Variants in FER1L6 observed in about 807,000 individuals in gnomAD.
FER1L6 encodes fer-1-like protein 6.
A neutral mutation model predicts 219.2 loss-of-function variants in FER1L6; 177 were observed. That is an observed-to-expected ratio of 0.81 (90% CI 0.71 to 0.91). FER1L6 has a LOEUF of 0.91. Among genes scored for constraint, FER1L6 ranks in the 40% least tolerant of loss-of-function variants. The probability of loss-of-function intolerance (pLI) is 0.00; values close to 1 mark genes in which losing one functional copy is unlikely to be tolerated. For missense variants in FER1L6, 2,153 were observed against 2,259.9 expected, an observed-to-expected ratio of 0.95 and a Z score of 0.96; for synonymous variants, 768 against 824.3, an observed-to-expected ratio of 0.93 and a Z score of 1.17.
In FER1L6 at chr8:124,048,870, C is replaced by T. The variant is rs1408311751; in HGVS notation, c.2725-737C>T. 2.0e-5 allele frequency among the ~76,000 whole-genome samples: 3 copies of T among 152,214 alleles called. No homozygotes were observed. In the South Asian group the frequency reaches 6.2e-4, roughly 32 times the overall value. On this transcript the variant is annotated intron_variant, in intron 21 of 40. Transcript: ENST00000522917. ...GCTCGTGCTCCCAACCACAGTGATGCCCTGCCCTGCAGATCCTTTGGAATG... is the reference window on the plus strand; with the variant it reads ...GCTCGTGCTCCCAACCACAGTGATGTCCTGCCCTGCAGATCCTTTGGAATG...
chr8:124,102,791 G>A (rs74665800), intron 38 of FER1L6, among the ~76,000 whole-genome samples: 3,700 of 152,312 alleles, frequency 0.024, 54 homozygotes, highest in Non-Finnish European at 0.04. Flanking sequence ...GGTTGTCAGT[G>A]CTAAAGCAGG....
intron 25 of FER1L6, 61 bp from the exon 26 acceptor site, chr8:124,064,286 C>T: frequency 1.5e-6 from 2 of 1,295,880 alleles, no homozygotes; most frequent in Non-Finnish European, 2.2e-6. Context: ...AGTATTAGGT[C>T]CCTGAAACGA....
chr8:124,118,137 A>ACAGTGCGT (rs1823324393), intron 39 of FER1L6, among the ~76,000 whole-genome samples: 2 of 152,174 alleles, frequency 1.3e-5, no homozygotes, highest in African/African-American at 4.8e-5. Context: ...TGGCATACAA[A>ACAGTGCGT]GGATCCCCAA....
At chr8:123,912,930 C>T (rs914234216) in intron 1 of FER1L6, among the ~76,000 whole-genome samples, 10 of 152,154 alleles carry the variant, frequency 6.6e-5, no homozygotes, top group Non-Finnish European at 1.5e-4. Flanking sequence ...TGAGCGATCT[C>T]GGAAGAGAAG....
At chr8:124,058,492 AAGCTTAATCTTGCTGGT>A (rs1231733339) in intron 22 of FER1L6, among the ~76,000 whole-genome samples, 2 of 152,210 alleles carry the variant, frequency 1.3e-5, no homozygotes, top group African/African-American at 4.8e-5. Flanking sequence ...TCACAGGAAA[AAGCTTAATCTTGCTGGT>A]AGCAAAGTCA....
In FER1L6 at chr8:124,091,546, C is replaced by A; in HGVS notation, c.4515C>A (p.Val1505=). 6.2e-7 allele frequency: 1 copy of A among 1,614,086 alleles called. No homozygotes were observed. The highest frequency in any genetic ancestry group is 8.5e-7 in the Non-Finnish European group (1 of 1,179,942). ...HPGKIQIGNQ[V]FSGKTIFTEE... ...GGAAAATACAGATAGGAAACCAAGT[C>A]TTTTCTGGAAAAACTATCTTCACTG... Residue 1505 remains valine, a synonymous_variant, in exon 34 of 41, where the codon GTC becomes GTA. Coordinates refer to ENST00000522917, the MANE Select transcript of FER1L6 (RefSeq NM_001039112.2).
chr8:123,889,502 G>C lies in FER1L6; in HGVS notation c.-8+37317G>C, dbSNP rs376752410. On this transcript the variant is annotated intron_variant, in intron 1 of 40. Transcript: ENST00000522917. ...TAAAATGCTAACATCTGATAGTTCAGGATTTTTTGCTTCCTAGGGTTTCAC... is the reference window on the plus strand; with the variant it reads ...TAAAATGCTAACATCTGATAGTTCACGATTTTTTGCTTCCTAGGGTTTCAC... 6.6e-5 allele frequency among the ~76,000 whole-genome samples: 10 copies of C among 152,152 alleles called. No individual in the cohort carries two copies. The East Asian group carries it at 1.5e-3, about 24-fold the overall frequency.
intron 1 of FER1L6, among the ~76,000 whole-genome samples, chr8:123,927,656 C>G (rs931200585): frequency 6.6e-6 from 1 of 152,164 alleles, no homozygotes; most frequent in African/African-American, 2.4e-5. Flanking sequence ...AGAAGTTGTA[C>G]TTCTAGTTAA....
At chr8:124,105,675 C>T (rs912860512) in intron 39 of FER1L6, among the ~76,000 whole-genome samples, 4 of 152,126 alleles carry the variant, frequency 2.6e-5, no homozygotes, top group East Asian at 1.9e-4. Context: ...TGGAGGTTCC[C>T]GGTGACCTTT....
At chr8:123,927,825 A>C (rs1395093645) in intron 1 of FER1L6, among the ~76,000 whole-genome samples, 1 of 152,196 alleles carries the variant, frequency 6.6e-6, no homozygotes, top group Non-Finnish European at 1.5e-5. Flanking sequence ...GTTTAGTTTG[A>C]CAAGATTTGT....
chr8:124,032,849 T>A (rs1819032347), intron 18 of FER1L6, among the ~76,000 whole-genome samples: 1 of 152,204 alleles, frequency 6.6e-6, no homozygotes, highest in South Asian at 2.1e-4. Flanking sequence ...GCACAAATAC[T>A]TAAAACTGAG....
chr8:124,037,813 A>G (rs116769588), intron 19 of FER1L6, among the ~76,000 whole-genome samples: 1,635 of 152,126 alleles, frequency 0.011, 35 homozygotes, highest in African/African-American at 0.037. Flanking sequence ...CACCCTGCCA[A>G]TCAGGGGTCA....
chr8:124,053,998 A>C (rs762787885), intron 22 of FER1L6, among the ~76,000 whole-genome samples: 11 of 152,026 alleles, frequency 7.2e-5, no homozygotes, highest in African/African-American at 1.2e-4. Context: ...TCTCCCAGAC[A>C]CTCCAGCTTG....
intron 1 of FER1L6, among the ~76,000 whole-genome samples, chr8:123,888,118 T>TC (rs71289620): frequency 4.0e-5 from 1 of 25,102 alleles, no homozygotes; most frequent in Admixed American, 3.9e-4. Context: ...TGATATTCTC[T>TC]TTTTTTTTCT....
chr8:123,961,562 C>T (rs1026401806), intron 2 of FER1L6, among the ~76,000 whole-genome samples: 2 of 152,032 alleles, frequency 1.3e-5, no homozygotes, highest in African/African-American at 2.4e-5. Context: ...TCCCACAGAG[C>T]GCAGAGACAG....
intron 1 of FER1L6, among the ~76,000 whole-genome samples, chr8:123,921,307 T>C (rs1813355745): frequency 6.6e-6 from 1 of 152,184 alleles, no homozygotes; most frequent in Non-Finnish European, 1.5e-5. Flanking sequence ...CCTGCCAACA[T>C]TGTGCAAGGA....
rs114799623 is a variant in FER1L6, at chr8:123,911,591, C to T, written c.-7-44401C>T. 5.2e-3 allele frequency among the ~76,000 whole-genome samples: 790 copies of T among 152,260 alleles called. 3 individuals are homozygous for T. Among genetic ancestry groups the T allele is most frequent in the African/African-American group, 0.018 (742 of 41,570 alleles). On this transcript the variant is annotated intron_variant, in intron 1 of 40. Coordinates refer to ENST00000522917, the MANE Select transcript of FER1L6 (RefSeq NM_001039112.2). ...TCTTTCTGGCTCTGCATTCTGTGTC[C>T]ATCTTCCTGTTCACTTAGTGAGCTC...
At chr8:124,056,625 G>A (rs2130807205) in intron 22 of FER1L6, among the ~76,000 whole-genome samples, 1 of 152,294 alleles carries the variant, frequency 6.6e-6, no homozygotes, top group South Asian at 2.1e-4. Flanking sequence ...CTTTCTCCCT[G>A]TTTTAAAGGT....
intron 20 of FER1L6, 140 bp downstream of exon 20, chr8:124,040,146 A>G (rs767454116): frequency 5.3e-6 from 6 of 1,122,880 alleles, no homozygotes; most frequent in Non-Finnish European, 6.4e-6. Context: ...CTGAAAAGCG[A>G]ATATGTGCCC....
Sources: allele counts gnomAD v4.1 joint callset (sites outside exome capture counted in the v4.1 genomes callset), GRCh38; gene constraint gnomAD v4.1.1; transcripts MANE v1.5; gene names NCBI Gene and HGNC (gene_info 2026-07-23, HGNC 2026-07-21).